Variants in AMY2B observed in about 807,000 individuals in gnomAD.
AMY2B encodes the protein amylase alpha 2B.
A neutral mutation model predicts 59.3 loss-of-function variants in AMY2B; 63 were observed. The ratio of observed to expected loss-of-function variants is 1.06; its 90% confidence interval spans 0.87 to 1.31. The LOEUF is 1.31. AMY2B is among the 50% of genes most tolerant of loss of function. The pLI, the probability that AMY2B is intolerant of heterozygous loss-of-function variation, is 0.00. For missense variants in AMY2B, 635 were observed against 626.7 expected (o/e 1.01, Z -0.14); for synonymous variants, 180 against 198.1 (o/e 0.91, Z 0.77).
At chr1:103,570,436 A>C (rs764173408), upstream of AMY2B, 15 of 852,366 alleles carry the variant, frequency 1.8e-5, no homozygotes, top group Non-Finnish European at 2.9e-5. Flanking sequence ...CTGTAGGCCA[A>C]CACGGTGCTA....
intron 1 of AMY2B, among the ~76,000 whole-genome samples, chr1:103,555,927 G>A (rs192069069): frequency 6.1e-4 from 93 of 152,228 alleles, no homozygotes; most frequent in African/African-American, 2.2e-3. Context: ...TGAAGCCATA[G>A]ACCTGGTATA....
intron 2 of AMY2B, 25 bp from the exon 3 acceptor site, chr1:103,573,038 C>T (rs770020740): frequency 3.1e-6 from 5 of 1,612,682 alleles, no homozygotes; most frequent in Admixed American, 1.7e-5. Flanking sequence ...GTAAGTCACA[C>T]TGAAGTAGAA....
intron 1 of AMY2B, among the ~76,000 whole-genome samples, chr1:103,563,743 T>A (rs1651814150): frequency 6.6e-6 from 1 of 152,154 alleles, no homozygotes; most frequent in Non-Finnish European, 1.5e-5. Flanking sequence ...AATGCTGATT[T>A]GCTATTACAA....
intron 5 of AMY2B, among the ~76,000 whole-genome samples, 179 bp from the exon 6 acceptor site, chr1:103,575,044 G>A (rs1300362271): frequency 3.8e-5 from 5 of 129,930 alleles, no homozygotes; most frequent in Admixed American, 9.0e-5. Flanking sequence ...TTGAGTGTGT[G>A]TTTGTGTGTG....
intron 7 of AMY2B, 160 bp from the exon 8 acceptor site, chr1:103,577,330 A>T: frequency 7.6e-7 from 1 of 1,319,198 alleles, no homozygotes; most frequent in Non-Finnish European, 1.0e-6. Context: ...GATGATGAAG[A>T]CCCAGTAAAG....
At chr1:103,574,177 A>G (rs1226915089) in intron 4 of AMY2B, 83 bp from the exon 5 acceptor site, 121 of 1,576,688 alleles carry the variant, frequency 7.7e-5, no homozygotes, top group Non-Finnish European at 1.0e-4. Flanking sequence ...GCTTAAAGCT[A>G]TCTTTTATAT....
At chr1:103,570,882 C>G, upstream of AMY2B, 1 of 385,424 alleles carries the variant, frequency 2.6e-6, no homozygotes, top group Non-Finnish European at 5.1e-6. Context: ...GTTAACTGTT[C>G]CCCTTGGTAT....
upstream of AMY2B, chr1:103,568,321 G>C (rs2101068052): frequency 6.6e-6 from 1 of 152,160 alleles, no homozygotes; most frequent in Admixed American, 6.5e-5. Flanking sequence ...ACATTAAGAA[G>C]GAAAAATTAC....
Position 103,573,783 on chromosome 1 carries a change from T to C in AMY2B, c.589T>C (p.Tyr197His), listed in dbSNP as rs1248882715. The change falls in exon 4 of 10, where the codon TAT (tyrosine) becomes CAT (histidine). Residue 197 changes from tyrosine (Y) to histidine (H), a missense_variant. Transcript: ENST00000684275. ...TTATGTGCGTTCCAAGATTGCCGAATATATGAATCATCTCATTGACATTGG... is the reference window on the plus strand; with the variant it reads ...TTATGTGCGTTCCAAGATTGCCGAACATATGAATCATCTCATTGACATTGG... Reference protein sequence around the residue: ...KDYVRSKIAEYMNHLIDIGVA... With the variant: ...KDYVRSKIAEHMNHLIDIGVA... 1.2e-6 allele frequency: 2 copies of C among 1,613,862 alleles called. No individual in the cohort carries two copies. The highest frequency in any genetic ancestry group is 1.7e-6 in the Non-Finnish European group (2 of 1,179,778).
intron 7 of AMY2B, among the ~76,000 whole-genome samples, chr1:103,576,845 T>A (rs1419206918): frequency 6.6e-6 from 1 of 152,236 alleles, no homozygotes; most frequent in African/African-American, 2.4e-5. Context: ...TAAATTTTCT[T>A]AGCTACTGTT....
chr1:103,571,735 C>T lies in AMY2B; in HGVS notation c.133C>T (p.Arg45Ter), dbSNP rs770249517. ...GGTTGATATTGCTCTTGAATGTGAG[C>T]GATATTTAGCTCCCAAGGGATTTGG... is the stretch of plus-strand genomic sequence containing the variant. ...RWVDIALECE[R>*]YLAPKGFGGV... The change falls in exon 1 of 10, where the codon CGA becomes TGA. Residue 45 changes from arginine (R) to a stop codon, truncating the protein, a stop_gained. Transcript: ENST00000684275. LOFTEE classifies it high-confidence loss of function. The T allele has an allele frequency of 1.7e-5, 28 of 1,611,682 alleles. No individual in the cohort carries two copies. Among genetic ancestry groups the T allele is most frequent in the Admixed American group, 1.2e-4 (7 of 59,988 alleles).
At chr1:103,576,570 G>T (rs574950108) in intron 7 of AMY2B, among the ~76,000 whole-genome samples, 1 of 151,870 alleles carries the variant, frequency 6.6e-6, no homozygotes, top group African/African-American at 2.4e-5. Flanking sequence ...ACTTCCTAGG[G>T]TTACTCTGGT....
intron 4 of AMY2B, 118 bp downstream of exon 4, chr1:103,574,056 G>A: frequency 6.4e-7 from 1 of 1,561,656 alleles, no homozygotes; most frequent in African/African-American, 1.4e-5. Flanking sequence ...ATAAAATGGT[G>A]TTCTTTAACC....
Position 103,571,692 on chromosome 1 carries a change from T to C in AMY2B, c.90T>C (p.His30=). 6.2e-7 allele frequency: 1 copy of C among 1,611,962 alleles called. No individual in the cohort carries two copies. Residue 30 remains histidine (H), a synonymous_variant, in exon 1 of 10, where the codon CAT becomes CAC. Transcript: ENST00000684275. Reference sequence around the variant, plus strand: ...AACAAGGACGGACATCTATTGTTCATCTGTTTGAATGGCGATGGGTTGATA... The same window carrying C: ...AACAAGGACGGACATCTATTGTTCACCTGTTTGAATGGCGATGGGTTGATA... ...NTQQGRTSIV[H]LFEWRWVDIA... is the part of the protein sequence containing the mutation.
Position 103,577,893 on chromosome 1 carries a change from G to A in AMY2B, c.1346+48G>A, listed in dbSNP as rs191004363. On this transcript the variant is annotated intron_variant, in intron 9 of 9. Transcript: ENST00000684275. ...TAATATTTTGTACCTGTATGCTCTT[G>A]GTTTATTCCTTTTTTTCTGTTCATT... 3.0e-4 allele frequency: 479 copies of A among 1,590,408 alleles called. 2 individuals are homozygous for A. In the African/African-American group the frequency reaches 5.9e-3, roughly 19 times the overall value.
At chr1:103,575,915 C>T (rs1365104059) in intron 7 of AMY2B, 1 of 179,018 alleles carries the variant, frequency 5.6e-6, no homozygotes, top group Non-Finnish European at 1.2e-5. Flanking sequence ...CATCTGCCCA[C>T]AGTAAGAACA....
chr1:103,571,101 C>T (rs17532330), upstream of AMY2B: 4,863 of 946,998 alleles, frequency 5.1e-3, 19 homozygotes, highest in Non-Finnish European at 6.0e-3. Context: ...TCTGTCCTGT[C>T]GGTCTGTCAG....
At chr1:103,577,263 G>A (rs1347334589) in intron 7 of AMY2B, 2 of 897,440 alleles carry the variant, frequency 2.2e-6, no homozygotes, top group East Asian at 2.8e-5. Context: ...AAAAGGAGAG[G>A]ATAACAATTT....
At chr1:103,562,885 G>C (rs1651779894) in intron 1 of AMY2B, among the ~76,000 whole-genome samples, 1 of 151,796 alleles carries the variant, frequency 6.6e-6, no homozygotes, top group Admixed American at 6.6e-5. Context: ...TTAAGTCAAG[G>C]CTTTGGTGTG....
Sources: allele counts gnomAD v4.1 joint callset (sites outside exome capture counted in the v4.1 genomes callset), GRCh38; gene constraint gnomAD v4.1.1; transcripts MANE v1.5; gene names NCBI Gene and HGNC (gene_info 2026-07-23, HGNC 2026-07-21).